The following SPIB variants were observed in gnomAD, a reference collection of about 807,000 sequenced individuals.
SPIB encodes the protein Spi-B transcription factor.
In SPIB, 7 loss-of-function variants were observed where a neutral mutation model predicts 31.9. The ratio of observed to expected loss-of-function variants is 0.22; its 90% CI spans 0.12 to 0.41. The LOEUF is 0.41. SPIB is among the 10% of genes least tolerant of loss of function. The pLI is 1.00. For missense variants in SPIB, 327 were observed against 360.2 expected, an observed-to-expected ratio of 0.91 and a Z score of 0.75; for synonymous variants, 176 against 158.9, an observed-to-expected ratio of 1.11 and a Z score of -0.81.
chr19:50,428,470 A>C lies in SPIB; in HGVS notation c.*134A>C. 9.7e-7 allele frequency: 1 copy of C among 1,033,284 alleles called. No homozygotes were observed. The highest frequency in any genetic ancestry group is 1.6e-5 in the African/African-American group (1 of 61,482). The allele number at this position is 1,033,284 out of a possible 1,614,324, so 64.0% of individuals were successfully genotyped here. On this transcript the variant is annotated 3_prime_UTR_variant, in exon 6 of 6. Coordinates refer to ENST00000595883, the MANE Select transcript of SPIB (RefSeq NM_003121.5). This position sits in a 1 kb window ranked among gnomAD's most constrained non-coding sequence, Gnocchi z 6.5. ...CATCCCCACCTTTTGGGGTAAGGGGAGTGCTGCCCTGCCATAATCCCCAAG... is the reference window on the plus strand; with the variant it reads ...CATCCCCACCTTTTGGGGTAAGGGGCGTGCTGCCCTGCCATAATCCCCAAG...
At chr19:50,423,308 C>T (rs34944112) in intron 4 of SPIB, 55,597 of 505,606 alleles carry the variant, frequency 0.11, 3,144 homozygotes, top group Middle Eastern at 0.18. Flanking sequence ...CATAGTAAGC[C>T]CTGCAGCGGC....
At chr19:50,420,390 C>T (rs1322263055) in intron 2 of SPIB, among the ~76,000 whole-genome samples, 2 of 151,038 alleles carry the variant, frequency 1.3e-5, no homozygotes. Flanking sequence ...CACATTCACA[C>T]CCCAGCCATG....
intron 5 of SPIB, among the ~76,000 whole-genome samples, chr19:50,427,345 C>A (rs1442340627): frequency 6.6e-6 from 1 of 152,026 alleles, no homozygotes; most frequent in Non-Finnish European, 1.5e-5. Flanking sequence ...GCCAACATGG[C>A]GAAACCCCGT....
At chr19:50,419,751 T>C (rs2039465808) in intron 1 of SPIB, 195 bp from the exon 2 acceptor site, 1 of 488,546 alleles carries the variant, frequency 2.0e-6, no homozygotes, top group Non-Finnish European at 3.5e-6. Context: ...AGGGGGACAT[T>C]TGCCTCCCCC....
intron 5 of SPIB, among the ~76,000 whole-genome samples, chr19:50,424,425 T>G (rs1485471898): frequency 6.6e-6 from 1 of 152,096 alleles, no homozygotes; most frequent in Admixed American, 6.6e-5. Context: ...GGCGGTCAGA[T>G]CAACTGAGGT....
chr19:50,418,999 C>T lies in SPIB; in HGVS notation c.23+14C>T, dbSNP rs1773243542. 1.3e-6 allele frequency: 2 copies of T among 1,551,820 alleles called. No individual in the cohort carries two copies. Among genetic ancestry groups the T allele is most frequent in the East Asian group, 2.4e-5 (1 of 41,004 alleles). On this transcript the variant is annotated intron_variant, in intron 1 of 5. Coordinates refer to ENST00000595883, the MANE Select transcript of SPIB (RefSeq NM_003121.5). The surrounding 1 kb of genome is among the most constrained non-coding windows in gnomAD (Gnocchi z 6.0). ...GGAGGCTGCACAGTAAGTGAGGGCC[C>T]CCAAACCTGCACCCGGGGTCCCCAC...
chr19:50,419,755 C>T lies in SPIB; in HGVS notation c.24-191C>T, dbSNP rs1601258944. The T allele has an allele frequency of 1.0e-5, 5 of 496,420 alleles. No individual in the cohort carries two copies. In the East Asian group the frequency reaches 1.1e-4, roughly 10 times the overall value. The allele number at this position is 496,420 out of a possible 1,614,324, so 30.8% of individuals were successfully genotyped here. A position where few individuals can be genotyped will look rare whatever the true frequency, so the allele number is the denominator to read the frequency against. On this transcript the variant is annotated intron_variant, in intron 1 of 5. Transcript: ENST00000595883. Reference sequence around the variant, plus strand: ...TTCTGGGGAGGAGGGGGACATTTGCCTCCCCCCCACCCCCCACTTCCTGTC... The same window carrying T: ...TTCTGGGGAGGAGGGGGACATTTGCTTCCCCCCCACCCCCCACTTCCTGTC...
chr19:50,426,982 T>C (rs1416100853), intron 5 of SPIB, among the ~76,000 whole-genome samples: 1 of 148,288 alleles, frequency 6.7e-6, no homozygotes, highest in Non-Finnish European at 1.5e-5. Context: ...ATAAAACAAT[T>C]AGCTAGGCAT....
chr19:50,420,754 A>G (rs1262027311), intron 2 of SPIB, among the ~76,000 whole-genome samples: 2 of 152,116 alleles, frequency 1.3e-5, no homozygotes, highest in African/African-American at 2.4e-5. Context: ...CAGCCTCCCA[A>G]GTAGCTGGGA....
In SPIB at chr19:50,419,369, CTG is replaced by C. The variant is rs1174682294; in HGVS notation, c.23+388_23+389del. Among the ~76,000 whole-genome samples, 14 of 152,296 alleles carry C rather than the reference CTG, an allele frequency of 9.2e-5. No homozygotes were observed. In the South Asian group the frequency reaches 2.7e-3, roughly 29 times the overall value. ...TTGCTCTCTGTCTCTCTGCCTGTCTCTGTGTCTCTGTCTCCAGTTCTCGCTCT... is the reference window on the plus strand; with the variant it reads ...TTGCTCTCTGTCTCTCTGCCTGTCTCTGTCTCTGTCTCCAGTTCTCGCTCT... On this transcript the variant is annotated intron_variant, in intron 1 of 5. Coordinates refer to ENST00000595883, the MANE Select transcript of SPIB (RefSeq NM_003121.5).
intron 2 of SPIB, 74 bp from the exon 3 acceptor site, chr19:50,422,399 C>T: frequency 7.2e-7 from 1 of 1,394,434 alleles, no homozygotes; most frequent in Middle Eastern, 1.8e-4. Context: ...GGAGTCTCCC[C>T]AAGGGTCCAG....
chr19:50,423,196 C>G, intron 4 of SPIB, 159 bp downstream of exon 4: 1 of 431,706 alleles, frequency 2.3e-6, no homozygotes, highest in East Asian at 3.4e-5. Context: ...CAGAGCAAGA[C>G]CCTGTCTCAA....
At chr19:50,423,204 C>CAAAAAAAAAAAA (rs59236153) in intron 4 of SPIB, 167 bp downstream of exon 4, 2 of 285,196 alleles carry the variant, frequency 7.0e-6, no homozygotes, top group Non-Finnish European at 1.2e-5. Flanking sequence ...GACCCTGTCT[C>CAAAAAAAAAAAA]AAAAAAAAAA....
intron 5 of SPIB, among the ~76,000 whole-genome samples, chr19:50,427,178 C>G (rs140646795): frequency 3.9e-5 from 6 of 152,036 alleles, no homozygotes; most frequent in Non-Finnish European, 8.8e-5. Flanking sequence ...CAAGGTCACA[C>G]TGCTGTAAAA....
rs1601272088 is a variant in SPIB, at chr19:50,428,504, G to T, written c.*168G>T. 16 of 755,126 alleles carry T rather than the reference G, an allele frequency of 2.1e-5. No individual in the cohort carries two copies. The South Asian group carries it at 3.1e-4, about 14-fold the overall frequency. The allele number at this position is 755,126 out of a possible 1,614,324, so 46.8% of individuals were successfully genotyped here. A position where few individuals can be genotyped will look rare whatever the true frequency, so the allele number is the denominator to read the frequency against. On this transcript the variant is annotated 3_prime_UTR_variant, in exon 6 of 6. Transcript: ENST00000595883. This position sits in a 1 kb window ranked among gnomAD's most constrained non-coding sequence, Gnocchi z 6.5. ...CTGCCATAATCCCCAAGCCCAGCCC[G>T]GGCCTGTCTGGGATTCCCCACTTGT...
rs751175582 is a variant in SPIB at position 50,422,539 on chromosome 19, G to A, written c.118G>A (p.Ala40Thr). 6.2e-7 allele frequency: 1 copy of A among 1,613,848 alleles called. No homozygotes were observed. Among genetic ancestry groups the A allele is most frequent in the Non-Finnish European group, 8.5e-7 (1 of 1,179,886 alleles). The part of the protein sequence containing the change: ...KHSSYPDSEG[A>T]PDSLWDWTVA... ...TTCCAGCTACCCTGATTCAGAGGGG[G>A]CTCCTGGTGAGTGACCCCAGCCCTG... Residue 40 changes from alanine (A) to threonine (T), a missense_variant, in exon 3 of 6, where the codon GCT (alanine) becomes ACT (threonine). By Grantham distance (58) the Ala-to-Thr change is moderately conservative. Around this residue, in one of 4 missense-constraint regions of SPIB, gnomAD observed 238 missense variants for 228.8 expected, o/e 1.04. Coordinates refer to ENST00000595883, the MANE Select transcript of SPIB (RefSeq NM_003121.5).
Position 50,430,795 on chromosome 19 carries a change from C to T in SPIB, c.*2459C>T, listed in dbSNP as rs897296001. On this transcript the variant is annotated 3_prime_UTR_variant, in exon 6 of 6. Transcript: ENST00000595883. ...TGAGCCTTTGACACCGCCTGAAATCCACCCCACTCCCAGGAGGAGGAGGAG... is the reference window on the plus strand; with the variant it reads ...TGAGCCTTTGACACCGCCTGAAATCTACCCCACTCCCAGGAGGAGGAGGAG... 2 of 152,138 alleles carry T rather than the reference C, an allele frequency of 1.3e-5. No homozygotes were observed. The highest frequency in any genetic ancestry group is 2.9e-5 in the Non-Finnish European group (2 of 68,116). 9.4% of individuals were successfully genotyped at this position (152,138 alleles called of 1,614,324 possible). A position where few individuals can be genotyped will look rare whatever the true frequency, so the allele number is the denominator to read the frequency against.
In SPIB at chr19:50,431,160, G is replaced by A. The variant is rs2039636666; in HGVS notation, c.*2824G>A. 6.6e-6 allele frequency: 1 copy of A among 152,202 alleles called. No homozygotes were observed. The highest frequency in any genetic ancestry group is 2.4e-5 in the African/African-American group (1 of 41,434). The allele number at this position is 152,202 out of a possible 1,614,324, so 9.4% of individuals were successfully genotyped here. A position where few individuals can be genotyped will look rare whatever the true frequency, so the allele number is the denominator to read the frequency against. ...GGTGATGATGAGAGGAGTTCAAAGA[G>A]AGAATTATATGCTGGCGCGGTGGCT... On this transcript the variant is annotated 3_prime_UTR_variant, in exon 6 of 6. Coordinates refer to ENST00000595883, the MANE Select transcript of SPIB (RefSeq NM_003121.5).
chr19:50,422,465 C>T lies in SPIB; in HGVS notation c.52-8C>T, dbSNP rs1413384363. On this transcript the variant is annotated splice_polypyrimidine_tract_variant and splice_region_variant and intron_variant, in intron 2 of 5. Transcript: ENST00000595883. ...ATGACCCCTCTTCCCTCCTGCACCC[C>T]GTATCAGTACCCAGATGGCGTCTTC... The T allele has an allele frequency of 1.2e-5, 20 of 1,613,686 alleles. No individual in the cohort carries two copies. The highest frequency in any genetic ancestry group is 2.2e-5 in the East Asian group (1 of 44,874).
Sources: gnomAD v4.1 joint callset for allele counts (sites outside exome capture counted in the v4.1 genomes callset) on GRCh38, gnomAD v4.1.1 for gene constraint, gnomAD v4.1.1 regional missense constraint, Gnocchi (gnomAD v3.1) non-coding constraint, MANE v1.5 for transcripts, NCBI Gene and HGNC (gene_info 2026-07-23, HGNC 2026-07-21) for gene names.